Variants in SLC4A10 observed in about 807,000 individuals in gnomAD.
The protein encoded by SLC4A10 is sodium-driven chloride bicarbonate exchanger.
A neutral mutation model predicts 137.7 loss-of-function variants in SLC4A10; 42 were observed. The observed-to-expected ratio is 0.30, with a 90% confidence interval of 0.24 to 0.39. SLC4A10 has a LOEUF of 0.39. SLC4A10 is among the 10% of genes least tolerant of loss of function. SLC4A10 has a pLI of 1.00. For synonymous variants in SLC4A10, 474 were observed against 464.1 expected (o/e 1.02, Z -0.27); for missense variants, 925 against 1,355.0 (o/e 0.68, Z 4.98).
chr2:161,928,572 TA>T lies in SLC4A10; in HGVS notation c.1998-14209del, dbSNP rs571344904. Among the ~76,000 whole-genome samples, 780 of 106,876 alleles carry T rather than the reference TA, an allele frequency of 7.3e-3. 5 individuals carry two copies. Among genetic ancestry groups the T allele is most frequent in the South Asian group, 0.016 (57 of 3,484 alleles). 70.1% of individuals were successfully genotyped at this position (106,876 alleles called of 152,430 possible). A position where few individuals can be genotyped will look rare whatever the true frequency, so the allele number is the denominator to read the frequency against. On this transcript the variant is annotated intron_variant, in intron 15 of 26. Transcript: ENST00000446997. ...TATATAATAAAAATATCTTGAAAAT[TA>T]AAAAAAAAAACAAACTTCTCAATGG... is the stretch of plus-strand genomic sequence containing the variant.
At chr2:161,967,899 T>A (rs1166379408) in intron 23 of SLC4A10, among the ~76,000 whole-genome samples, 1 of 152,014 alleles carries the variant, frequency 6.6e-6, no homozygotes, top group East Asian at 1.9e-4. Context: ...TTAATTATAC[T>A]CAAGCAGTAA....
chr2:161,633,427 A>C (rs937254348), intron 1 of SLC4A10, among the ~76,000 whole-genome samples: 1 of 151,732 alleles, frequency 6.6e-6, no homozygotes, highest in Non-Finnish European at 1.5e-5. Flanking sequence ...TTAATTGTTA[A>C]GAGTTTGGAC....
At position 161,811,763 on chromosome 2, in the gene SLC4A10, C is replaced by T. The variant is rs115360041; in HGVS notation, c.277+7168C>T. ...AGCTGAAACCTTTCTTCCTATTAAACGGTTAAAACTGCAAGAAAATAAGGA... is the reference window on the plus strand; with the variant it reads ...AGCTGAAACCTTTCTTCCTATTAAATGGTTAAAACTGCAAGAAAATAAGGA... On this transcript the variant is annotated intron_variant, in intron 3 of 26. Coordinates refer to ENST00000446997, the MANE Select transcript of SLC4A10 (RefSeq NM_001178015.2). Among the ~76,000 whole-genome samples the T allele has an allele frequency of 3.0e-3, 459 of 152,056 alleles. 3 individuals are homozygous for T. The highest frequency in any genetic ancestry group is 0.024 in the Middle Eastern group (7 of 294).
intron 1 of SLC4A10, among the ~76,000 whole-genome samples, chr2:161,671,135 G>A (rs2039662897): frequency 6.6e-6 from 1 of 152,140 alleles, no homozygotes; most frequent in Non-Finnish European, 1.5e-5. Flanking sequence ...GCGCCTTTAA[G>A]AGATGATTAT....
chr2:161,783,296 G>T (rs1488952829), intron 2 of SLC4A10, among the ~76,000 whole-genome samples: 1 of 151,822 alleles, frequency 6.6e-6, no homozygotes, highest in Non-Finnish European at 1.5e-5. Context: ...GAGAGATAAA[G>T]TCTTTTCCAG....
intron 5 of SLC4A10, among the ~76,000 whole-genome samples, chr2:161,857,147 T>G (rs1276183424): frequency 1.3e-5 from 2 of 152,216 alleles, no homozygotes; most frequent in Admixed American, 6.5e-5. Context: ...TTGTCCAAAA[T>G]TATGCAAATT....
chr2:161,810,458 A>G (rs1400908392), intron 3 of SLC4A10, among the ~76,000 whole-genome samples: 1 of 151,958 alleles, frequency 6.6e-6, no homozygotes, highest in Non-Finnish European at 1.5e-5. Flanking sequence ...CTCCAGGGGA[A>G]TAGTTATAGC....
intron 3 of SLC4A10, among the ~76,000 whole-genome samples, chr2:161,835,676 A>C (rs2058719857): frequency 1.3e-5 from 2 of 152,222 alleles, no homozygotes; most frequent in South Asian, 4.1e-4. Context: ...CTTTAGCCTC[A>C]GTTCATGGAC....
chr2:161,700,494 G>A (rs1340195723), intron 1 of SLC4A10, among the ~76,000 whole-genome samples: 2 of 151,990 alleles, frequency 1.3e-5, no homozygotes, highest in Admixed American at 6.6e-5. Flanking sequence ...TTAGCTTATC[G>A]ACTTTTTAAA....
At chr2:161,760,722 TTGAG>T (rs1422772005) in intron 1 of SLC4A10, among the ~76,000 whole-genome samples, 1 of 152,236 alleles carries the variant, frequency 6.6e-6, no homozygotes, top group South Asian at 2.1e-4. Context: ...ATCTTTATGA[TTGAG>T]TGTCACTTAT....
intron 1 of SLC4A10, among the ~76,000 whole-genome samples, chr2:161,675,874 G>T (rs1489489898): frequency 6.6e-6 from 1 of 152,050 alleles, no homozygotes; most frequent in African/African-American, 2.4e-5. Context: ...TATCAAGATG[G>T]CTTTGTTCCT....
chr2:161,966,735 C>CAAAAAAA (rs11322395), intron 23 of SLC4A10, among the ~76,000 whole-genome samples: 11 of 125,654 alleles, frequency 8.8e-5, no homozygotes, highest in Non-Finnish European at 1.8e-4. Context: ...GACTCCGTCT[C>CAAAAAAA]AAAAAAAAAA....
At chr2:161,771,379 A>G (rs1222080310) in intron 2 of SLC4A10, among the ~76,000 whole-genome samples, 1 of 151,884 alleles carries the variant, frequency 6.6e-6, no homozygotes, top group African/African-American at 2.4e-5. Flanking sequence ...CAGCATATCA[A>G]GTGCTGTGTG....
chr2:161,936,871 ACT>A (rs1691674928), intron 15 of SLC4A10, among the ~76,000 whole-genome samples: 1 of 151,814 alleles, frequency 6.6e-6, no homozygotes, highest in Non-Finnish European at 1.5e-5. Flanking sequence ...CCTTTTAGTA[ACT>A]CTGTGCTTAG....
chr2:161,889,583 G>C lies in SLC4A10; in HGVS notation c.1195-5096G>C, dbSNP rs62188805. On this transcript the variant is annotated intron_variant, in intron 10 of 26. Transcript: ENST00000446997. Reference sequence around the variant, plus strand: ...GTTTATTTGCGTAGAGGTGTTTATAGTATTCCCTGATGGCAGTTTGTATTT... The same window carrying C: ...GTTTATTTGCGTAGAGGTGTTTATACTATTCCCTGATGGCAGTTTGTATTT... Among the ~76,000 whole-genome samples the C allele has an allele frequency of 2.6e-5, 4 of 152,214 alleles. No homozygotes were observed. In the South Asian group the frequency reaches 8.3e-4, roughly 32 times the overall value.
chr2:161,638,102 T>C (rs2034721043), intron 1 of SLC4A10, among the ~76,000 whole-genome samples: 2 of 152,194 alleles, frequency 1.3e-5, no homozygotes, highest in African/African-American at 4.8e-5. Context: ...TGTTTATTGT[T>C]TCCTTTACTG....
rs1462091269 is a variant in SLC4A10, at chr2:161,953,522, C to T, written c.2541+2674C>T. ...ACTCAGGAGGCTGAGGCAGGAGAAT[C>T]GTCTGAACCTGGAAGGCAGAGGTTG... On this transcript the variant is annotated intron_variant, in intron 19 of 26. Transcript: ENST00000446997. 9.9e-5 allele frequency among the ~76,000 whole-genome samples: 15 copies of T among 151,992 alleles called. No individual in the cohort carries two copies. In the East Asian group the frequency reaches 2.3e-3, roughly 24 times the overall value.
At position 161,977,712 on chromosome 2, in the gene SLC4A10, TTG is replaced by T; in HGVS notation, c.3345-8_3345-7del. ...TCTACTTAATTTTTATATTACATTT[TTG>T]TCATAAGCTCCCCTTCCTAATCACT... is the stretch of plus-strand genomic sequence containing the variant. On this transcript the variant is annotated splice_polypyrimidine_tract_variant and splice_region_variant and intron_variant, in intron 25 of 26. Coordinates refer to ENST00000446997, the MANE Select transcript of SLC4A10 (RefSeq NM_001178015.2). The T allele has an allele frequency of 6.3e-7, 1 of 1,597,972 alleles. No individual in the cohort carries two copies. Among genetic ancestry groups the T allele is most frequent in the Non-Finnish European group, 8.5e-7 (1 of 1,174,288 alleles).
At chr2:161,793,438 GCCC>G (rs1183753570) in intron 2 of SLC4A10, among the ~76,000 whole-genome samples, 1 of 114,884 alleles carries the variant, frequency 8.7e-6, no homozygotes, top group Admixed American at 1.1e-4. Flanking sequence ...CCCTTCCTCA[GCCC>G]CCCAAGTGCC....
Sources: allele counts gnomAD v4.1 joint callset (sites outside exome capture counted in the v4.1 genomes callset), GRCh38; gene constraint gnomAD v4.1.1; transcripts MANE v1.5; gene names NCBI Gene and HGNC (gene_info 2026-07-23, HGNC 2026-07-21).